CDH5: variants seen among roughly 807,000 people sequenced by gnomAD.
CDH5 encodes cadherin 5.
In CDH5, 28 loss-of-function variants were observed where a neutral mutation model predicts 62.0. That is an observed-to-expected ratio of 0.45 (90% CI 0.33 to 0.62). CDH5 has a LOEUF of 0.62. Ranked by LOEUF, CDH5 falls within the 20% of genes least tolerant of loss-of-function variation. The pLI is 0.02. For synonymous variants in CDH5, 464 were observed against 445.8 expected, an observed-to-expected ratio of 1.04 and a Z score of -0.52; for missense variants, 940 against 1,065.1, an observed-to-expected ratio of 0.88 and a Z score of 1.63.
intron 5 of CDH5, 66 bp downstream of exon 5, chr16:66,389,588 T>C: frequency 7.4e-7 from 1 of 1,357,974 alleles, no homozygotes; most frequent in Non-Finnish European, 9.9e-7. Context: ...GACTTGGGGC[T>C]CTGGGAAAAG....
At chr16:66,397,888 G>GC (rs1687382252) in intron 8 of CDH5, 94 bp from the exon 9 acceptor site, 3 of 1,433,838 alleles carry the variant, frequency 2.1e-6, no homozygotes, top group Non-Finnish European at 2.9e-6. Context: ...TGCAAAAAGT[G>GC]GCCTCCATAG....
intron 1 of CDH5, among the ~76,000 whole-genome samples, chr16:66,367,421 C>T (rs930694587): frequency 1.3e-5 from 2 of 152,164 alleles, no homozygotes; most frequent in African/African-American, 2.4e-5. Context: ...GTCTGGACAG[C>T]GGTCCACCAT....
At chr16:66,383,764 G>A (rs1247758188) in intron 2 of CDH5, among the ~76,000 whole-genome samples, 1 of 152,044 alleles carries the variant, frequency 6.6e-6, no homozygotes, top group Non-Finnish European at 1.5e-5. Flanking sequence ...GAACCCACCT[G>A]CCCCCTGCAC....
chr16:66,368,098 C>T (rs1960620778), intron 1 of CDH5, among the ~76,000 whole-genome samples: 1 of 152,146 alleles, frequency 6.6e-6, no homozygotes, highest in South Asian at 2.1e-4. Flanking sequence ...GGCTCCCTCC[C>T]CAGCGTGGAC....
chr16:66,368,633 A>G (rs939746926), intron 1 of CDH5, among the ~76,000 whole-genome samples: 36 of 152,102 alleles, frequency 2.4e-4, no homozygotes, highest in African/African-American at 7.7e-4. Context: ...CTCTCTCTGC[A>G]CCCCCTCAGT....
intron 2 of CDH5, 138 bp downstream of exon 2, chr16:66,379,685 GT>G: frequency 1.4e-6 from 1 of 726,234 alleles, no homozygotes; most frequent in Non-Finnish European, 2.3e-6. Flanking sequence ...AAGGGTGAAG[GT>G]GGTAGCAATA....
rs1220296175 is a variant in CDH5 at position 66,383,853 on chromosome 16, CCT to C, written c.211-2955_211-2954del. The stretch of plus-strand genomic sequence containing the variant: ...CCGACCAAGGGGGCAATCCTCACTC[CCT>C]GTCTCCACTTCCTCCCCTTCTAGAA... On this transcript the variant is annotated intron_variant, in intron 2 of 11. Coordinates refer to ENST00000341529, the MANE Select transcript of CDH5 (RefSeq NM_001795.5). Among the ~76,000 whole-genome samples the C allele has an allele frequency of 7.9e-5, 12 of 152,228 alleles. No homozygotes were observed. The South Asian group carries it at 1.7e-3, about 21-fold the overall frequency.
intron 11 of CDH5, among the ~76,000 whole-genome samples, chr16:66,401,375 A>G (rs1961279147): frequency 6.6e-6 from 1 of 152,256 alleles, no homozygotes; most frequent in Admixed American, 6.5e-5. Flanking sequence ...ATGTATTTAC[A>G]TAAAACCTAT....
At chr16:66,401,272 G>T (rs1961277691) in intron 11 of CDH5, among the ~76,000 whole-genome samples, 1 of 152,166 alleles carries the variant, frequency 6.6e-6, no homozygotes, top group South Asian at 2.1e-4. Context: ...CACGCATCAG[G>T]CCAGTATCAC....
intron 2 of CDH5, among the ~76,000 whole-genome samples, chr16:66,386,226 C>T (rs1960980158): frequency 6.6e-6 from 1 of 151,986 alleles, no homozygotes; most frequent in South Asian, 2.1e-4. Context: ...CCAGGCAACT[C>T]ACACCATGAG....
At position 66,400,873 on chromosome 16, in the gene CDH5, G is replaced by A. The variant is rs140269853; in HGVS notation, c.1694G>A (p.Arg565His). The A allele has an allele frequency of 1.8e-3, 2,970 of 1,614,168 alleles. 7 individuals carry two copies. Among genetic ancestry groups the A allele is most frequent in the Middle Eastern group, 7.3e-3 (44 of 6,062 alleles). The change falls in exon 11 of 12, where the codon CGC (arginine) becomes CAC (histidine). Residue 565 changes from arginine (R) to histidine (H), a missense_variant. Coordinates refer to ENST00000341529, the MANE Select transcript of CDH5 (RefSeq NM_001795.5). ...ATCTCAGACAATGGGATGCCAAGTC[G>A]CACGGGCACCAGCACGCTGACCGTG... ...VVISDNGMPS[R>H]TGTSTLTVAV...
chr16:66,370,926 T>A (rs1375963462), intron 1 of CDH5, among the ~76,000 whole-genome samples: 6 of 152,070 alleles, frequency 3.9e-5, no homozygotes, highest in Non-Finnish European at 8.8e-5. Flanking sequence ...GGGACAACCA[T>A]GCTAGGCCTT....
At position 66,398,073 on chromosome 16, in the gene CDH5, G is replaced by A. The variant is rs985432774; in HGVS notation, c.1452G>A (p.Gln484=). 3.1e-6 allele frequency: 5 copies of A among 1,614,234 alleles called. No homozygotes were observed. In the South Asian group the frequency reaches 5.5e-5, roughly 18 times the overall value. ...DNAPEFAKPY[Q]PKVCENAVHG... ...CCCCGGAGTTTGCCAAGCCCTACCA[G>A]CCCAAAGTGTGTGAGAACGCTGTCC... The change falls in exon 9 of 12, where the codon CAG becomes CAA. Residue 484 remains glutamine (Q), a synonymous_variant. Coordinates refer to ENST00000341529, the MANE Select transcript of CDH5 (RefSeq NM_001795.5).
At chr16:66,394,035 C>A (rs1476481875) in intron 7 of CDH5, among the ~76,000 whole-genome samples, 1 of 152,056 alleles carries the variant, frequency 6.6e-6, no homozygotes, top group Non-Finnish European at 1.5e-5. Flanking sequence ...ATTTATAAGT[C>A]ATAGGGTGTT....
rs769365333 is a variant in CDH5 at position 66,392,273 on chromosome 16, C to T, written c.1107C>T (p.Pro369=). The change falls in exon 7 of 12, where the codon CCC becomes CCT. Residue 369 remains proline (P), a synonymous_variant. Transcript: ENST00000341529. The part of the protein sequence containing the change: ...VIINITDVDE[P]PIFQQPFYHF... The stretch of plus-strand genomic sequence containing the variant: ...TCAACATCACAGATGTGGACGAGCC[C>T]CCCATTTTCCAGCAGCCTTTCTACC... 5 of 1,614,126 alleles carry T rather than the reference C, an allele frequency of 3.1e-6. No individual in the cohort carries two copies. The highest frequency in any genetic ancestry group is 3.4e-6 in the Non-Finnish European group (4 of 1,180,026).
intron 7 of CDH5, chr16:66,393,035 T>C (rs1389457577): frequency 6.6e-6 from 1 of 152,334 alleles, no homozygotes; most frequent in African/African-American, 2.4e-5. Context: ...ACTAAATTTC[T>C]CTTTTACAAT....
chr16:66,382,599 G>C (rs1382672759), intron 2 of CDH5, among the ~76,000 whole-genome samples: 2 of 152,162 alleles, frequency 1.3e-5, no homozygotes, highest in East Asian at 1.9e-4. Flanking sequence ...GTAGAAAGTG[G>C]GGGCTACCTT....
At chr16:66,402,038 A>G (rs922212101) in intron 11 of CDH5, among the ~76,000 whole-genome samples, 1 of 152,108 alleles carries the variant, frequency 6.6e-6, no homozygotes, top group Non-Finnish European at 1.5e-5. Context: ...TGATGATGGC[A>G]TCCCCACCAC....
intron 2 of CDH5, among the ~76,000 whole-genome samples, chr16:66,384,026 CTCT>C (rs1945579201): frequency 2.0e-5 from 3 of 151,254 alleles, no homozygotes; most frequent in Non-Finnish European, 4.4e-5. Context: ...TGGAATCTCC[CTCT>C]TCTTTCTTGA....
Sources: allele counts gnomAD v4.1 joint callset (sites outside exome capture counted in the v4.1 genomes callset), GRCh38; gene constraint gnomAD v4.1.1; transcripts MANE v1.5; gene names NCBI Gene and HGNC (gene_info 2026-07-23, HGNC 2026-07-21).